The following ZDHHC11B variants were observed in gnomAD, a reference collection of about 807,000 sequenced individuals.
ZDHHC11B encodes zDHHC palmitoyltransferase 11B (putative), also known as probable palmitoyltransferase ZDHHC11B.
A neutral mutation model predicts 42.3 loss-of-function variants in ZDHHC11B; 17 were observed. That is an observed-to-expected ratio of 0.40 (90% CI 0.27 to 0.60). ZDHHC11B has a LOEUF of 0.60. Ranked by LOEUF, ZDHHC11B falls within the 20% of genes least tolerant of loss-of-function variation. The pLI is 0.41. For missense variants in ZDHHC11B, 262 were observed against 463.2 expected, an observed-to-expected ratio of 0.57 and a Z score of 3.99; for synonymous variants, 123 against 193.5, an observed-to-expected ratio of 0.64 and a Z score of 3.02.
intron 10 of ZDHHC11B, among the ~76,000 whole-genome samples, chr5:736,317 T>C (rs1404177053): frequency 1.3e-5 from 2 of 149,866 alleles, no homozygotes; most frequent in Non-Finnish European, 3.0e-5. Context: ...CCCAAATTTA[T>C]AAAACAATTC....
At chr5:774,456 TGTCA>T (rs1736300311) in intron 1 of ZDHHC11B, among the ~76,000 whole-genome samples, 1 of 150,262 alleles carries the variant, frequency 6.7e-6, no homozygotes, top group Non-Finnish European at 1.5e-5. Flanking sequence ...ACCAGGGGCC[TGTCA>T]GTCACTAGGG....
At chr5:725,299 C>T (rs1487573193) in intron 12 of ZDHHC11B, among the ~76,000 whole-genome samples, 25 of 143,604 alleles carry the variant, frequency 1.7e-4, no homozygotes, top group African/African-American at 6.7e-4. Context: ...CAGAGGAGGC[C>T]GTCGGAGAAC....
Position 730,430 on chromosome 5 carries a change from T to G in ZDHHC11B, c.1058+4A>C, listed in dbSNP as rs1318687920. Reference sequence around the variant, plus strand: ...AAACGTTCCCATTAAACTTACGAACTTACCCAAGTGTAGATGTACTCGGGG... The same window carrying G: ...AAACGTTCCCATTAAACTTACGAACGTACCCAAGTGTAGATGTACTCGGGG... On this transcript the variant is annotated splice_donor_region_variant and intron_variant, in intron 12 of 13. Coordinates refer to ENST00000508859, the MANE Select transcript of ZDHHC11B (RefSeq NM_001351303.2). 1.9e-6 allele frequency: 3 copies of G among 1,578,824 alleles called. No individual in the cohort carries two copies. The highest frequency in any genetic ancestry group is 2.6e-6 in the Non-Finnish European group (3 of 1,169,154).
chr5:733,889 G>C (rs28498541), intron 10 of ZDHHC11B, 50 bp from the exon 11 acceptor site: 1 of 1,464,562 alleles, frequency 6.8e-7, no homozygotes, highest in Non-Finnish European at 9.4e-7. Flanking sequence ...TTGTGGGGGG[G>C]CTCAGGGTGG....
At position 766,936 on chromosome 5, in the gene ZDHHC11B, G is replaced by T. The variant is rs1399879331; in HGVS notation, c.1-17C>A. On this transcript the variant is annotated splice_polypyrimidine_tract_variant and intron_variant, in intron 3 of 13. Transcript: ENST00000508859. Reference sequence around the variant, plus strand: ...GGTGTCCATCTGCAGGACACAGAAGGGGAGGACCTGCGCCATCAGCTCCGG... The same window carrying T: ...GGTGTCCATCTGCAGGACACAGAAGTGGAGGACCTGCGCCATCAGCTCCGG... 1.9e-6 allele frequency: 3 copies of T among 1,608,574 alleles called. No homozygotes were observed. The highest frequency in any genetic ancestry group is 2.2e-5 in the South Asian group (2 of 90,760).
At chr5:745,430 A>G in intron 8 of ZDHHC11B, 132 bp from the exon 9 acceptor site, 1 of 795,934 alleles carries the variant, frequency 1.3e-6, no homozygotes, top group Non-Finnish European at 2.0e-6. Context: ...TCCGCCCACC[A>G]TGCAGGCCCT....
Position 767,451 on chromosome 5 carries a change from G to C in ZDHHC11B, c.-60C>G, listed in dbSNP as rs533248861. On this transcript the variant is annotated 5_prime_UTR_variant, in exon 3 of 14. Coordinates refer to ENST00000508859, the MANE Select transcript of ZDHHC11B (RefSeq NM_001351303.2). ...AGGCTGAGTAGAGCAGCTCCAACTC[G>C]TCCGACTTCAAGTCGCCAAATGCTG... The C allele has an allele frequency of 1.9e-6, 3 of 1,578,322 alleles. No homozygotes were observed. The highest frequency in any genetic ancestry group is 3.4e-5 in the Admixed American group (2 of 59,288).
At chr5:725,089 G>A (rs1275431656) in intron 12 of ZDHHC11B, among the ~76,000 whole-genome samples, 4 of 151,330 alleles carry the variant, frequency 2.6e-5, no homozygotes, top group African/African-American at 9.8e-5. Context: ...AGCCTTTGGT[G>A]TCAGCTCCCG....
intron 4 of ZDHHC11B, among the ~76,000 whole-genome samples, chr5:766,237 A>T (rs537882492): frequency 2.0e-5 from 3 of 151,750 alleles, no homozygotes; most frequent in Non-Finnish European, 4.4e-5. Context: ...CAGGTCCCCT[A>T]CCCACTGGGA....
intron 10 of ZDHHC11B, among the ~76,000 whole-genome samples, chr5:737,006 A>G (rs1228846502): frequency 6.8e-6 from 1 of 146,786 alleles, no homozygotes; most frequent in Non-Finnish European, 1.5e-5. Flanking sequence ...AAAACAAAAA[A>G]ACCACAAAAG....
At chr5:777,910 C>A (rs1217460930) in intron 1 of ZDHHC11B, among the ~76,000 whole-genome samples, 5 of 150,978 alleles carry the variant, frequency 3.3e-5, no homozygotes, top group African/African-American at 1.2e-4. Flanking sequence ...GAGCCCGGGG[C>A]GGGGGAGGGG....
chr5:730,836 CACAG>C (rs1319405610), intron 11 of ZDHHC11B, among the ~76,000 whole-genome samples: 3 of 151,780 alleles, frequency 2.0e-5, no homozygotes, highest in South Asian at 2.1e-4. Flanking sequence ...ATAACAAAGA[CACAG>C]ACAGAGGGAA....
chr5:765,601 G>A (rs1475777148), intron 4 of ZDHHC11B, among the ~76,000 whole-genome samples: 1 of 151,888 alleles, frequency 6.6e-6, no homozygotes, highest in Non-Finnish European at 1.5e-5. Flanking sequence ...GCAGCAAACT[G>A]CTTGGGTTCT....
intron 10 of ZDHHC11B, among the ~76,000 whole-genome samples, chr5:734,279 C>A (rs1301976404): frequency 8.3e-6 from 1 of 120,438 alleles, no homozygotes; most frequent in Non-Finnish European, 1.7e-5. Flanking sequence ...AGTCACAGAG[C>A]CTTTGGAAGA....
intron 12 of ZDHHC11B, 56 bp from the exon 13 acceptor site, chr5:716,921 T>C (rs1230320324): frequency 6.2e-7 from 1 of 1,610,520 alleles, no homozygotes; most frequent in Admixed American, 1.7e-5. Context: ...TAATACTTGT[T>C]ATACTGCCAA....
At chr5:762,846 T>C (rs553412131) in intron 4 of ZDHHC11B, among the ~76,000 whole-genome samples, 7 of 150,714 alleles carry the variant, frequency 4.6e-5, no homozygotes, top group African/African-American at 1.7e-4. Context: ...AGGCAAACAA[T>C]AGAGAAAATT....
chr5:758,228 G>A (rs1248550200), intron 4 of ZDHHC11B, among the ~76,000 whole-genome samples: 2 of 151,900 alleles, frequency 1.3e-5, no homozygotes, highest in East Asian at 3.9e-4. Flanking sequence ...AAGCTGCACT[G>A]TGGCCCAGGG....
At chr5:754,227 TCTATGAGC>T (rs1746225498) in intron 6 of ZDHHC11B, among the ~76,000 whole-genome samples, 1 of 47,672 alleles carries the variant, frequency 2.1e-5, no homozygotes. Flanking sequence ...ACACGTCTCA[TCTATGAGC>T]CTCCACCGTG....
At chr5:779,215 A>C (rs577839626) in intron 1 of ZDHHC11B, among the ~76,000 whole-genome samples, 1 of 151,508 alleles carries the variant, frequency 6.6e-6, no homozygotes, top group South Asian at 2.1e-4. Flanking sequence ...AGAGGCAGGG[A>C]GCGTCCCACC....
Sources: gnomAD v4.1 joint callset for allele counts (sites outside exome capture counted in the v4.1 genomes callset) on GRCh38, gnomAD v4.1.1 for gene constraint, MANE v1.5 for transcripts, NCBI Gene and HGNC (gene_info 2026-07-23, HGNC 2026-07-21) for gene names.